The following CCDC171 variants were observed in gnomAD, a reference collection of about 807,000 sequenced individuals.
CCDC171 encodes the protein coiled-coil domain containing 171, also known as coiled-coil domain-containing protein 171.
CCDC171 carries 177 observed loss-of-function variants against 168.2 expected under a neutral mutation model. That is an observed-to-expected ratio of 1.05 (90% CI 0.93 to 1.19). The LOEUF is 1.19. CCDC171 is among the 50% of genes most tolerant of loss of function. CCDC171 has a pLI of 0.00. For missense variants in CCDC171, 1,991 were observed against 1,539.0 expected (o/e 1.29, Z -4.91); for synonymous variants, 687 against 540.8 (o/e 1.27, Z -3.75).
rs577583650 is a variant in CCDC171, at chr9:15,684,182, G to C, written c.1215+5286G>C. Among the ~76,000 whole-genome samples, 7 of 152,204 alleles carry C rather than the reference G, an allele frequency of 4.6e-5. No individual in the cohort carries two copies. In the South Asian group the frequency reaches 1.5e-3, roughly 32 times the overall value. On this transcript the variant is annotated intron_variant, in intron 10 of 25. Transcript: ENST00000380701. ...GTATGTAATGAAGATTATAGGCTTT[G>C]ATGCTTCCTCGTTTTTACTTAGAAT... is the stretch of plus-strand genomic sequence containing the variant.
the CCDC171 span, among the ~76,000 whole-genome samples, chr9:16,104,368 G>A: frequency 5.9e-5 from 9 of 151,878 alleles, no homozygotes; most frequent in East Asian, 3.9e-4. Flanking sequence ...CCAGCTGCCC[G>A]TGGTCTGTGC....
At chr9:15,856,985 C>T (rs970912521) in intron 23 of CCDC171, among the ~76,000 whole-genome samples, 1 of 151,860 alleles carries the variant, frequency 6.6e-6, no homozygotes, top group Non-Finnish European at 1.5e-5. Flanking sequence ...TTTCATATAC[C>T]TGTTTGACCA....
At chr9:15,996,516 G>A (rs1832379974) in intron 3 of CCDC171, among the ~76,000 whole-genome samples, 1 of 150,914 alleles carries the variant, frequency 6.6e-6, no homozygotes, top group Admixed American at 6.6e-5. Flanking sequence ...ATGAGGTCGG[G>A]TGTGGAATTT....
chr9:16,086,103 G>T, the CCDC171 span, among the ~76,000 whole-genome samples: 1 of 152,058 alleles, frequency 6.6e-6, no homozygotes, highest in South Asian at 2.1e-4. Flanking sequence ...TGATTTGTAG[G>T]CTATTAATTA....
intron 1 of CCDC171, among the ~76,000 whole-genome samples, chr9:15,555,669 CTGAG>C (rs780025226): frequency 2.1e-4 from 32 of 152,190 alleles, no homozygotes; most frequent in Admixed American, 8.5e-4. Flanking sequence ...AGTCAAGTGA[CTGAG>C]TATCTATTTT....
At chr9:15,878,263 G>C (rs1388759648) in intron 24 of CCDC171, among the ~76,000 whole-genome samples, 1 of 151,680 alleles carries the variant, frequency 6.6e-6, no homozygotes, top group Non-Finnish European at 1.5e-5. Flanking sequence ...CACCTATAAG[G>C]AACTTAAATT....
At chr9:15,960,860 C>T (rs1306672562) in intron 25 of CCDC171, among the ~76,000 whole-genome samples, 1 of 152,072 alleles carries the variant, frequency 6.6e-6, no homozygotes, top group Non-Finnish European at 1.5e-5. Flanking sequence ...TCAAAGGGTC[C>T]ACAGCCCTGG....
intron 24 of CCDC171, among the ~76,000 whole-genome samples, chr9:15,891,946 G>A (rs905037213): frequency 6.6e-6 from 1 of 152,140 alleles, no homozygotes; most frequent in Non-Finnish European, 1.5e-5. Context: ...GGATGGGAAA[G>A]GGCCTGAATA....
intron 25 of CCDC171, among the ~76,000 whole-genome samples, chr9:15,938,754 C>T (rs1827379828): frequency 6.6e-6 from 1 of 151,708 alleles, no homozygotes; most frequent in South Asian, 2.1e-4. Context: ...TTTTGTTCTC[C>T]ATGTTTGCCT....
intron 25 of CCDC171, among the ~76,000 whole-genome samples, chr9:15,952,742 G>A (rs1209650890): frequency 6.6e-6 from 1 of 152,066 alleles, no homozygotes; most frequent in East Asian, 1.9e-4. Context: ...TTTTGATAGG[G>A]AGTGCATCGA....
At chr9:15,786,120 G>T (rs2057940569) in intron 21 of CCDC171, among the ~76,000 whole-genome samples, 1 of 151,998 alleles carries the variant, frequency 6.6e-6, no homozygotes, top group African/African-American at 2.4e-5. Context: ...GTATTAAATT[G>T]AACCATTTGA....
intron 10 of CCDC171, among the ~76,000 whole-genome samples, chr9:15,693,351 G>C (rs1270485298): frequency 2.0e-5 from 3 of 152,114 alleles, no homozygotes; most frequent in African/African-American, 7.2e-5. Flanking sequence ...CCTAAAGTCT[G>C]TGTGGATGAA....
intron 23 of CCDC171, among the ~76,000 whole-genome samples, chr9:15,853,594 C>G (rs1480996576): frequency 6.6e-6 from 1 of 151,428 alleles, no homozygotes; most frequent in African/African-American, 2.4e-5. Flanking sequence ...GTTTCTTTTT[C>G]TTATCTAATT....
chr9:15,561,503 G>A (rs1412190080), intron 1 of CCDC171, among the ~76,000 whole-genome samples: 1 of 152,144 alleles, frequency 6.6e-6, no homozygotes, highest in Non-Finnish European at 1.5e-5. Flanking sequence ...AGTAAAGCTA[G>A]AAATAAATAC....
At chr9:15,763,585 G>C (rs537683269) in intron 18 of CCDC171, among the ~76,000 whole-genome samples, 2 of 152,286 alleles carry the variant, frequency 1.3e-5, no homozygotes, top group East Asian at 3.9e-4. Flanking sequence ...GAAATGCCAA[G>C]GTTTTAGAGG....
At chr9:15,655,836 T>A (rs1156493824) in intron 7 of CCDC171, among the ~76,000 whole-genome samples, 4 of 152,174 alleles carry the variant, frequency 2.6e-5, no homozygotes, top group African/African-American at 4.8e-5. Flanking sequence ...ATTGGGGCAA[T>A]GCAAATTAAA....
At chr9:15,616,531 A>G (rs187227693) in intron 6 of CCDC171, among the ~76,000 whole-genome samples, 1 of 152,114 alleles carries the variant, frequency 6.6e-6, no homozygotes, top group Non-Finnish European at 1.5e-5. Context: ...CCATTTTGTT[A>G]TTATTTCAAA....
At chr9:15,716,186 G>C (rs2053073288) in intron 11 of CCDC171, among the ~76,000 whole-genome samples, 1 of 152,144 alleles carries the variant, frequency 6.6e-6, no homozygotes, top group Admixed American at 6.5e-5. Context: ...CACAAGTATA[G>C]ACAGAGGGAG....
intron 25 of CCDC171, among the ~76,000 whole-genome samples, chr9:15,942,873 A>G (rs1183487645): frequency 6.6e-6 from 1 of 151,962 alleles, no homozygotes; most frequent in Non-Finnish European, 1.5e-5. Context: ...CAATATTAAT[A>G]GCAATGTAGA....
Sources: allele counts gnomAD v4.1 joint callset (sites outside exome capture counted in the v4.1 genomes callset), GRCh38; gene constraint gnomAD v4.1.1; transcripts MANE v1.5; gene names NCBI Gene and HGNC (gene_info 2026-07-23, HGNC 2026-07-21).